Variants in TMEM229B observed in about 807,000 individuals in gnomAD.
TMEM229B encodes the protein transmembrane protein 229B.
TMEM229B carries 6 observed loss-of-function variants against 13.7 expected under a neutral mutation model. The observed-to-expected ratio is 0.44, with a 90% CI of 0.24 to 0.86. TMEM229B has a LOEUF of 0.86. Ranked by LOEUF, TMEM229B falls within the 40% of genes least tolerant of loss-of-function variation. The pLI, the probability that TMEM229B is intolerant of heterozygous loss-of-function variation, is 0.23. For missense variants in TMEM229B, 170 were observed against 236.0 expected, an observed-to-expected ratio of 0.72 and a Z score of 1.83; for synonymous variants, 107 against 102.1, an observed-to-expected ratio of 1.05 and a Z score of -0.29.
At chr14:67,475,481 G>A (rs1482716859) in intron 2 of TMEM229B, among the ~76,000 whole-genome samples, 1 of 152,116 alleles carries the variant, frequency 6.6e-6, no homozygotes, top group African/African-American at 2.4e-5. Context: ...TTTCCACAGT[G>A]GCCACACCAT....
chr14:67,491,559 T>C (rs2032170356), upstream of TMEM229B, among the ~76,000 whole-genome samples: 1 of 152,176 alleles, frequency 6.6e-6, no homozygotes, highest in Non-Finnish European at 1.5e-5. Context: ...TCAAGGGTTT[T>C]AGGAGCTCTA....
upstream of TMEM229B, among the ~76,000 whole-genome samples, chr14:67,518,395 A>C (rs2140264809): frequency 6.6e-6 from 1 of 152,352 alleles, no homozygotes; most frequent in East Asian, 1.9e-4. Flanking sequence ...GGCAGTTGTA[A>C]GAGTAAGTAG....
chr14:67,476,465 T>A (rs924631050), intron 2 of TMEM229B, among the ~76,000 whole-genome samples: 1 of 152,098 alleles, frequency 6.6e-6, no homozygotes, highest in Non-Finnish European at 1.5e-5. Context: ...CATGCACCTG[T>A]AGTCTCAGCT....
chr14:67,502,654 G>T (rs1362365776), intron 1 of TMEM229B, among the ~76,000 whole-genome samples: 3 of 151,894 alleles, frequency 2.0e-5, no homozygotes, highest in Non-Finnish European at 4.4e-5. Flanking sequence ...ATTCCTCCAT[G>T]TTGGTCAGGC....
chr14:67,527,054 C>T (rs1027967697), intron 1 of TMEM229B, among the ~76,000 whole-genome samples: 5 of 152,212 alleles, frequency 3.3e-5, no homozygotes, highest in South Asian at 2.1e-4. Context: ...ATGTGTTTCA[C>T]TTATTTCCTT....
intron 2 of TMEM229B, among the ~76,000 whole-genome samples, chr14:67,474,150 G>C (rs930766028): frequency 6.6e-6 from 1 of 152,154 alleles, no homozygotes; most frequent in Non-Finnish European, 1.5e-5. Context: ...TACTTGGGAA[G>C]CTGAGGCAGA....
upstream of TMEM229B, among the ~76,000 whole-genome samples, chr14:67,518,497 G>C (rs550111943): frequency 9.8e-5 from 15 of 152,312 alleles, no homozygotes; most frequent in South Asian, 3.1e-3. Context: ...TCATGTAAAG[G>C]CCCCGCCACG....
rs1379099597 is a variant in TMEM229B, at chr14:67,472,473, T to G, written c.*947A>C. On this transcript the variant is annotated 3_prime_UTR_variant, in exon 3 of 3. Transcript: ENST00000554480. ...TGCCTGTGCATTGGAGGGCATCATT[T>G]GTTCTCAGCTGAGCCACTGAGAAGG... is the stretch of plus-strand genomic sequence containing the variant. 2.0e-5 allele frequency: 3 copies of G among 152,298 alleles called. No individual in the cohort carries two copies. Among genetic ancestry groups the G allele is most frequent in the African/African-American group, 7.2e-5 (3 of 41,438 alleles). The allele number at this position is 152,298 out of a possible 1,614,324, so 9.4% of individuals were successfully genotyped here.
At chr14:67,478,811 C>T (rs571229638) in intron 2 of TMEM229B, among the ~76,000 whole-genome samples, 2 of 152,300 alleles carry the variant, frequency 1.3e-5, no homozygotes, top group Non-Finnish European at 2.9e-5. Flanking sequence ...CTGCACCCTC[C>T]CTTCTCTGTG....
chr14:67,513,015 G>C (rs774877096), intron 1 of TMEM229B, among the ~76,000 whole-genome samples: 1 of 152,110 alleles, frequency 6.6e-6, no homozygotes, highest in Admixed American at 6.5e-5. Context: ...ACAGTATAAG[G>C]CTCACTAACT....
chr14:67,507,200 CA>C (rs2032859376), intron 1 of TMEM229B, among the ~76,000 whole-genome samples: 1 of 151,904 alleles, frequency 6.6e-6, no homozygotes, highest in African/African-American at 2.4e-5. Flanking sequence ...CTAAATTAGC[CA>C]GGTGCTAATA....
At position 67,496,391 on chromosome 14, in the gene TMEM229B, GTTTTTTTTTTTTT is replaced by G. The variant is rs555715850; in HGVS notation, c.-191-9232_-191-9220del. Among the ~76,000 whole-genome samples the G allele has an allele frequency of 3.3e-4, 10 of 30,106 alleles. No homozygotes were observed. In the South Asian group the frequency reaches 8.6e-3, roughly 26 times the overall value. 19.8% of individuals were successfully genotyped at this position (30,106 alleles called of 152,430 possible). A position where few individuals can be genotyped will look rare whatever the true frequency, so the allele number is the denominator to read the frequency against. On this transcript the variant is annotated intron_variant, in intron 1 of 2. Coordinates refer to the TMEM229B transcript ENST00000357461. Reference sequence around the variant, plus strand: ...TACAGGTGTGAGCCACTGCTCCGGCGTTTTTTTTTTTTTTTTTTTTTTTTTTTTTTGAGACAGG... The same window carrying G: ...TACAGGTGTGAGCCACTGCTCCGGCGTTTTTTTTTTTTTTTTTGAGACAGG...
rs779754536 is a variant in TMEM229B at position 67,473,639 on chromosome 14, C to G, written c.285G>C (p.Leu95=). ...YLWEFTTGFI[L]RQFNACPWDY... ...CCCAGGGGCAGGCGTTGAACTGGCGCAGGATGAAGCCGGTGGTGAACTCCC... is the reference window on the plus strand; with the variant it reads ...CCCAGGGGCAGGCGTTGAACTGGCGGAGGATGAAGCCGGTGGTGAACTCCC... Residue 95 remains leucine (L), a synonymous_variant, in exon 3 of 3, where the codon CTG becomes CTC. Transcript: ENST00000554480. The surrounding 1 kb of genome is among the most constrained non-coding windows in gnomAD (Gnocchi z 6.5). 3 of 1,582,706 alleles carry G rather than the reference C, an allele frequency of 1.9e-6. No individual in the cohort carries two copies. Among genetic ancestry groups the G allele is most frequent in the South Asian group, 2.3e-5 (2 of 87,380 alleles).
At chr14:67,492,833 C>G (rs770442913), upstream of TMEM229B, among the ~76,000 whole-genome samples, 5 of 152,218 alleles carry the variant, frequency 3.3e-5, no homozygotes, top group Non-Finnish European at 7.3e-5. Context: ...AGGCCAGGTA[C>G]TGTACCATGT....
At chr14:67,529,382 A>G (rs971540546) in intron 1 of TMEM229B, among the ~76,000 whole-genome samples, 6 of 152,186 alleles carry the variant, frequency 3.9e-5, no homozygotes, top group Non-Finnish European at 8.8e-5. Flanking sequence ...GCCTGTGCCC[A>G]GAGTTGATAG....
At chr14:67,509,726 G>T (rs532557400) in intron 1 of TMEM229B, among the ~76,000 whole-genome samples, 2 of 152,284 alleles carry the variant, frequency 1.3e-5, no homozygotes, top group East Asian at 1.9e-4. Context: ...ATTCAGACTG[G>T]CTGGGAGATG....
intron 1 of TMEM229B, among the ~76,000 whole-genome samples, chr14:67,532,925 G>C (rs2033513197): frequency 6.6e-6 from 1 of 152,102 alleles, no homozygotes; most frequent in South Asian, 2.1e-4. Flanking sequence ...TCCCCGGGGC[G>C]CTCTGGCCAC....
At chr14:67,497,923 C>T (rs1397929394) in intron 1 of TMEM229B, among the ~76,000 whole-genome samples, 1 of 151,958 alleles carries the variant, frequency 6.6e-6, no homozygotes, top group African/African-American at 2.4e-5. Context: ...GCCCAAGCAA[C>T]CACATATTAG....
chr14:67,524,051 G>T (rs111492871), intron 1 of TMEM229B, among the ~76,000 whole-genome samples: 1 of 152,212 alleles, frequency 6.6e-6, no homozygotes, highest in Non-Finnish European at 1.5e-5. Context: ...AAAGGAACTG[G>T]CCGCTCAGAG....
Sources: gnomAD v4.1 joint callset for allele counts (sites outside exome capture counted in the v4.1 genomes callset) on GRCh38, gnomAD v4.1.1 for gene constraint, Gnocchi (gnomAD v3.1) non-coding constraint, MANE v1.5 for transcripts, NCBI Gene and HGNC (gene_info 2026-07-23, HGNC 2026-07-21) for gene names.